The following SLAMF6 variants were observed in gnomAD, a reference collection of about 807,000 sequenced individuals.
SLAMF6 encodes the protein NK-T-B-antigen.
A neutral mutation model predicts 38.3 loss-of-function variants in SLAMF6; 21 were observed. The observed-to-expected ratio is 0.55, with a 90% CI of 0.39 to 0.79. The LOEUF (loss-of-function observed/expected upper bound fraction) is 0.79, where lower values mean the gene tolerates loss of function less well. SLAMF6 is among the 30% of genes least tolerant of loss of function. The pLI is 0.00. For synonymous variants in SLAMF6, 152 were observed against 146.3 expected, an observed-to-expected ratio of 1.04 and a Z score of -0.28; for missense variants, 341 against 385.3, an observed-to-expected ratio of 0.89 and a Z score of 0.96.
At chr1:160,503,669 G>A (rs1352151582) in intron 1 of SLAMF6, among the ~76,000 whole-genome samples, 2 of 151,940 alleles carry the variant, frequency 1.3e-5, no homozygotes, top group African/African-American at 4.8e-5. Context: ...TAACTGCAAG[G>A]GTCCATCCCT....
In SLAMF6 at chr1:160,490,860, G is replaced by A. The variant is rs184599761; in HGVS notation, c.647-175C>T. 1,735 of 606,608 alleles carry A rather than the reference G, an allele frequency of 2.9e-3. 4 individuals are homozygous for A. Among genetic ancestry groups the A allele is most frequent in the Non-Finnish European group, 3.4e-3 (1,625 of 484,198 alleles). 37.6% of individuals were successfully genotyped at this position (606,608 alleles called of 1,614,324 possible). On this transcript the variant is annotated intron_variant, in intron 3 of 7. Coordinates refer to ENST00000368057, the MANE Select transcript of SLAMF6 (RefSeq NM_001184714.2). Reference sequence around the variant, plus strand: ...AGGCAGGGGAGGGTGGGGCCCAGTGGAGTTAGGGAGAGAAAGCAATCCTAC... The same window carrying A: ...AGGCAGGGGAGGGTGGGGCCCAGTGAAGTTAGGGAGAGAAAGCAATCCTAC...
At chr1:160,491,729 C>T (rs1175863822) in intron 2 of SLAMF6, among the ~76,000 whole-genome samples, 1 of 152,224 alleles carries the variant, frequency 6.6e-6, no homozygotes, top group East Asian at 1.9e-4. Context: ...TTGCACTCTG[C>T]CCCTGTGTAA....
At chr1:160,500,494 T>C (rs1001658687) in intron 1 of SLAMF6, among the ~76,000 whole-genome samples, 30 of 152,202 alleles carry the variant, frequency 2.0e-4, no homozygotes, top group African/African-American at 7.2e-4. Context: ...CAAACATTCC[T>C]GCTCAGAGAA....
At chr1:160,503,255 C>CT (rs574490664) in intron 1 of SLAMF6, among the ~76,000 whole-genome samples, 39 of 152,024 alleles carry the variant, frequency 2.6e-4, no homozygotes, top group Non-Finnish European at 5.3e-4. Flanking sequence ...CATGTAAAAG[C>CT]TGCTATGAGG....
intron 1 of SLAMF6, 48 bp from the exon 2 acceptor site, chr1:160,496,441 C>T: frequency 6.4e-7 from 1 of 1,568,872 alleles, no homozygotes; most frequent in Non-Finnish European, 8.7e-7. Context: ...GACCATCTCC[C>T]TGCCAAGTCC....
intron 1 of SLAMF6, among the ~76,000 whole-genome samples, chr1:160,504,334 G>C (rs1423398858): frequency 6.6e-6 from 1 of 152,104 alleles, no homozygotes; most frequent in Non-Finnish European, 1.5e-5. Context: ...TGCATGACTA[G>C]GGTAACCATT....
Position 160,486,323 on chromosome 1 carries a change from A to C in SLAMF6, c.*384T>G, listed in dbSNP as rs1020057829. 2 of 211,268 alleles carry C rather than the reference A, an allele frequency of 9.5e-6. No individual in the cohort carries two copies. Among genetic ancestry groups the C allele is most frequent in the Admixed American group, 1.1e-4 (2 of 18,650 alleles). The allele number at this position is 211,268 out of a possible 1,614,324, so 13.1% of individuals were successfully genotyped here. A position where few individuals can be genotyped will look rare whatever the true frequency, so the allele number is the denominator to read the frequency against. On this transcript the variant is annotated 3_prime_UTR_variant, in exon 8 of 8. Transcript: ENST00000368057. ...ACTACACATGTAACCAACACACTGC[A>C]TTATTTCTCAATAAGTCAATCCTGC... is the stretch of plus-strand genomic sequence containing the variant.
At chr1:160,516,001 C>T (rs1654725404) in intron 1 of SLAMF6, among the ~76,000 whole-genome samples, 1 of 152,076 alleles carries the variant, frequency 6.6e-6, no homozygotes, top group Non-Finnish European at 1.5e-5. Flanking sequence ...AAGTTCTGAC[C>T]AGGGCAATCA....
chr1:160,520,287 T>C (rs1654926116), intron 1 of SLAMF6, among the ~76,000 whole-genome samples: 1 of 152,190 alleles, frequency 6.6e-6, no homozygotes, highest in Admixed American at 6.6e-5. Context: ...TGCTCTCTCC[T>C]GGACCTCAGA....
intron 5 of SLAMF6, among the ~76,000 whole-genome samples, chr1:160,489,556 T>C (rs1653164053): frequency 6.6e-6 from 1 of 152,048 alleles, no homozygotes. Context: ...TTTTCAGAGG[T>C]CTCTACAGCG....
intron 1 of SLAMF6, among the ~76,000 whole-genome samples, chr1:160,513,686 G>A (rs917199966): frequency 3.9e-5 from 6 of 152,196 alleles, no homozygotes; most frequent in Non-Finnish European, 8.8e-5. Flanking sequence ...TTACAAGCCA[G>A]AAGAGATTGG....
intron 2 of SLAMF6, among the ~76,000 whole-genome samples, chr1:160,494,066 G>A (rs1653441850): frequency 6.6e-6 from 1 of 152,124 alleles, no homozygotes; most frequent in Non-Finnish European, 1.5e-5. Flanking sequence ...CCAATTAATT[G>A]GTATTGGCCC....
At chr1:160,495,227 C>T (rs1008431436) in intron 2 of SLAMF6, among the ~76,000 whole-genome samples, 7 of 152,104 alleles carry the variant, frequency 4.6e-5, no homozygotes, top group African/African-American at 1.7e-4. Context: ...ACAGAATTTC[C>T]GTGGCCTTTA....
intron 1 of SLAMF6, among the ~76,000 whole-genome samples, chr1:160,509,009 T>C (rs1654334324): frequency 6.6e-6 from 1 of 152,168 alleles, no homozygotes; most frequent in African/African-American, 2.4e-5. Flanking sequence ...AAACAACAGA[T>C]GCTGGAGAGG....
intron 1 of SLAMF6, among the ~76,000 whole-genome samples, chr1:160,496,723 G>A (rs1653601921): frequency 6.6e-6 from 1 of 152,130 alleles, no homozygotes; most frequent in Admixed American, 6.5e-5. Flanking sequence ...TGGACATTAG[G>A]TTGAGGGGGA....
intron 1 of SLAMF6, among the ~76,000 whole-genome samples, chr1:160,509,984 G>A (rs1191734774): frequency 6.6e-5 from 10 of 151,964 alleles, no homozygotes; most frequent in Admixed American, 5.9e-4. Context: ...ATAACTATAT[G>A]CCAACAAATT....
chr1:160,515,731 A>C (rs1418709744), intron 1 of SLAMF6, among the ~76,000 whole-genome samples: 6 of 152,234 alleles, frequency 3.9e-5, no homozygotes, highest in Admixed American at 3.3e-4. Flanking sequence ...AATTCATCTC[A>C]TAAACAGATC....
intron 1 of SLAMF6, among the ~76,000 whole-genome samples, chr1:160,521,274 C>T (rs1654971532): frequency 6.6e-6 from 1 of 152,160 alleles, no homozygotes; most frequent in Non-Finnish European, 1.5e-5. Flanking sequence ...GTTTCTCTTT[C>T]TATACCCATT....
intron 2 of SLAMF6, among the ~76,000 whole-genome samples, chr1:160,493,850 G>A (rs1300206491): frequency 6.6e-6 from 1 of 152,124 alleles, no homozygotes; most frequent in Non-Finnish European, 1.5e-5. Flanking sequence ...TTGCATGGCA[G>A]CAGGAGAGAG....
Sources: allele counts gnomAD v4.1 joint callset (sites outside exome capture counted in the v4.1 genomes callset), GRCh38; gene constraint gnomAD v4.1.1; transcripts MANE v1.5; gene names NCBI Gene and HGNC (gene_info 2026-07-23, HGNC 2026-07-21).